Variants in SLC4A4 observed in about 807,000 individuals in gnomAD.
SLC4A4 encodes electrogenic sodium bicarbonate cotransporter 1.
A neutral mutation model predicts 111.5 loss-of-function variants in SLC4A4; 27 were observed. The observed-to-expected ratio is 0.24, with a 90% CI of 0.18 to 0.33. SLC4A4 has a LOEUF of 0.33. SLC4A4 is among the 10% of genes least tolerant of loss of function. The probability of loss-of-function intolerance (pLI) is 1.00; values close to 1 mark genes in which losing one functional copy is unlikely to be tolerated. For missense variants in SLC4A4, 909 were observed against 1,315.5 expected (o/e 0.69, Z 4.78); for synonymous variants, 443 against 463.4 (o/e 0.96, Z 0.57).
At chr4:71,257,762 G>A (rs189956541) in intron 3 of SLC4A4, among the ~76,000 whole-genome samples, 1 of 152,292 alleles carries the variant, frequency 6.6e-6, no homozygotes, top group Admixed American at 6.5e-5. Flanking sequence ...CTGGCAGTGC[G>A]CGATGTGATG....
intron 3 of SLC4A4, among the ~76,000 whole-genome samples, chr4:71,277,725 A>G (rs1274854426): frequency 6.6e-6 from 1 of 150,438 alleles, no homozygotes; most frequent in East Asian, 2.0e-4. Flanking sequence ...AGTTCTGTAT[A>G]TATTGTAAAT....
chr4:71,323,096 A>G (rs1727243827), intron 3 of SLC4A4, among the ~76,000 whole-genome samples: 1 of 152,008 alleles, frequency 6.6e-6, no homozygotes, highest in Non-Finnish European at 1.5e-5. Context: ...CAAATATTGT[A>G]AGGAAGTGTG....
chr4:71,380,736 G>C (rs1718059089), intron 6 of SLC4A4, among the ~76,000 whole-genome samples: 1 of 152,242 alleles, frequency 6.6e-6, no homozygotes, highest in Non-Finnish European at 1.5e-5. Flanking sequence ...CAGTTAGTTG[G>C]GGGGAACAGG....
intron 1 of SLC4A4, among the ~76,000 whole-genome samples, chr4:71,221,409 T>G (rs192292306): frequency 6.6e-6 from 1 of 152,330 alleles, no homozygotes; most frequent in Non-Finnish European, 1.5e-5. Context: ...CGGGATGTCA[T>G]TCTTATGGCA....
chr4:71,462,573 T>C (rs1726944555), intron 12 of SLC4A4, among the ~76,000 whole-genome samples: 1 of 152,042 alleles, frequency 6.6e-6, no homozygotes, highest in Non-Finnish European at 1.5e-5. Flanking sequence ...CATGCCTGGC[T>C]AATTTTTGTG....
intron 2 of SLC4A4, among the ~76,000 whole-genome samples, chr4:71,135,666 A>G (rs187376389): frequency 6.6e-6 from 1 of 152,264 alleles, no homozygotes; most frequent in East Asian, 1.9e-4. Flanking sequence ...CACATTTTAC[A>G]ATAGATTTCT....
intron 2 of SLC4A4, among the ~76,000 whole-genome samples, chr4:71,120,510 C>T (rs762693778): frequency 3.5e-4 from 53 of 152,322 alleles, no homozygotes; most frequent in East Asian, 1.9e-4. Flanking sequence ...CTAGTCTCTA[C>T]TTTTCCTTCA....
intron 3 of SLC4A4, among the ~76,000 whole-genome samples, chr4:71,284,533 G>T (rs1356786140): frequency 2.0e-5 from 3 of 152,160 alleles, no homozygotes; most frequent in Non-Finnish European, 4.4e-5. Context: ...TTGAAAATTA[G>T]AATAAATTGT....
chr4:71,120,152 C>G (rs1743375814), intron 2 of SLC4A4, among the ~76,000 whole-genome samples: 3 of 151,746 alleles, frequency 2.0e-5, no homozygotes, highest in Admixed American at 2.0e-4. Context: ...TTTCTTGTGT[C>G]CTTTGATTGT....
intron 7 of SLC4A4, among the ~76,000 whole-genome samples, chr4:71,405,557 A>G (rs1720765186): frequency 6.6e-6 from 1 of 152,100 alleles, no homozygotes; most frequent in Admixed American, 6.6e-5. Context: ...ATTTTTCTGC[A>G]TTCTTTCATG....
chr4:71,348,782 A>G (rs557249025), intron 4 of SLC4A4, among the ~76,000 whole-genome samples: 1 of 152,144 alleles, frequency 6.6e-6, no homozygotes, highest in Admixed American at 6.5e-5. Context: ...GGGTGGTAAG[A>G]GGTCTATAAA....
intron 6 of SLC4A4, among the ~76,000 whole-genome samples, chr4:71,367,515 G>T (rs939621784): frequency 6.6e-6 from 1 of 152,172 alleles, no homozygotes; most frequent in African/African-American, 2.4e-5. Context: ...TCTTTAAGCA[G>T]ATCACTTAGT....
intron 3 of SLC4A4, among the ~76,000 whole-genome samples, chr4:71,338,688 G>A (rs1393087896): frequency 6.6e-6 from 1 of 150,548 alleles, no homozygotes; most frequent in African/African-American, 2.4e-5. Flanking sequence ...TTATGTGCTT[G>A]AGTGTGTTGG....
intron 3 of SLC4A4, among the ~76,000 whole-genome samples, chr4:71,335,373 A>G (rs1368661022): frequency 6.6e-6 from 1 of 152,228 alleles, no homozygotes; most frequent in Non-Finnish European, 1.5e-5. Context: ...ACTCCTTAGA[A>G]GTATTGTCCA....
intron 18 of SLC4A4, among the ~76,000 whole-genome samples, chr4:71,543,056 C>T (rs560797565): frequency 5.0e-4 from 76 of 152,086 alleles, no homozygotes; most frequent in Middle Eastern, 3.4e-3. Context: ...AATGTGACAC[C>T]GCAAATGTGG....
chr4:71,234,750 T>G lies in SLC4A4; in HGVS notation c.-1-1826T>G, dbSNP rs6812822. Among the ~76,000 whole-genome samples, 710 of 152,274 alleles carry G rather than the reference T, an allele frequency of 4.7e-3. 7 individuals carry two copies. Among genetic ancestry groups the G allele is most frequent in the African/African-American group, 0.016 (679 of 41,560 alleles). ...CGGCCGGCCTCAAATCTTCAAGGAATTTTCTTTTCCACCAGAATCTTGATG... is the reference window on the plus strand; with the variant it reads ...CGGCCGGCCTCAAATCTTCAAGGAAGTTTCTTTTCCACCAGAATCTTGATG... On this transcript the variant is annotated intron_variant, in intron 1 of 25. Coordinates refer to ENST00000264485, the MANE Select transcript of SLC4A4 (RefSeq NM_001098484.3).
chr4:71,152,965 G>A (rs909105748), intron 2 of SLC4A4, among the ~76,000 whole-genome samples: 5 of 139,630 alleles, frequency 3.6e-5, no homozygotes, highest in South Asian at 2.5e-4. Context: ...GTGTGTGTGT[G>A]TATATATATG....
intron 14 of SLC4A4, among the ~76,000 whole-genome samples, chr4:71,481,516 A>G (rs1417938460): frequency 6.6e-6 from 1 of 151,714 alleles, no homozygotes; most frequent in African/African-American, 2.4e-5. Context: ...CAGCTCCCAC[A>G]ACTGCAGCCA....
In SLC4A4 at chr4:71,453,662, A is replaced by G. The variant is rs771582820; in HGVS notation, c.1490A>G (p.Asn497Ser). 3 of 1,613,886 alleles carry G rather than the reference A, an allele frequency of 1.9e-6. No individual in the cohort carries two copies. Among genetic ancestry groups the G allele is most frequent in the Non-Finnish European group, 2.5e-6 (3 of 1,179,836 alleles). The stretch of plus-strand genomic sequence containing the variant: ...GGACTGCTTGGGGATGCCACTGACA[A>G]CATGCAGGTGGGTATGGTTTTGAGG... Reference protein sequence around the residue: ...FGGLLGDATDNMQGVLESFLG... With the variant: ...FGGLLGDATDSMQGVLESFLG... Residue 497 changes from asparagine to serine, a missense_variant, in exon 12 of 26, where the codon AAC (asparagine) becomes AGC (serine). Coordinates refer to ENST00000264485, the MANE Select transcript of SLC4A4 (RefSeq NM_001098484.3).
Sources: gnomAD v4.1 joint callset for allele counts (sites outside exome capture counted in the v4.1 genomes callset) on GRCh38, gnomAD v4.1.1 for gene constraint, MANE v1.5 for transcripts, NCBI Gene and HGNC (gene_info 2026-07-23, HGNC 2026-07-21) for gene names.